The following PAK1 variants were observed in gnomAD, a reference collection of about 807,000 sequenced individuals.
PAK1 encodes serine/threonine-protein kinase PAK 1.
PAK1 carries 29 observed loss-of-function variants against 67.4 expected under a neutral mutation model. The ratio of observed to expected loss-of-function variants is 0.43; its 90% CI spans 0.32 to 0.59. The LOEUF is 0.59. PAK1 is among the 20% of genes least tolerant of loss of function. The pLI is 0.07. For missense variants in PAK1, 337 were observed against 670.7 expected (o/e 0.50, Z 5.50); for synonymous variants, 223 against 237.4 (o/e 0.94, Z 0.56).
chr11:77,373,812 T>C (rs1327251086), intron 5 of PAK1, among the ~76,000 whole-genome samples: 1 of 152,212 alleles, frequency 6.6e-6, no homozygotes, highest in Non-Finnish European at 1.5e-5. Flanking sequence ...TGACTTTAAA[T>C]GAATAAAATC....
chr11:77,353,408 G>T, intron 8 of PAK1, 128 bp downstream of exon 8: 1 of 671,858 alleles, frequency 1.5e-6, no homozygotes. Context: ...AACAACTCCA[G>T]ATGGGTGAGG....
chr11:77,512,357 G>C, the PAK1 span, among the ~76,000 whole-genome samples: 2 of 149,242 alleles, frequency 1.3e-5, no homozygotes, highest in African/African-American at 2.5e-5. Flanking sequence ...TTCTACCCCA[G>C]TATGTGGTCA....
chr11:77,475,864 A>C (rs775958012), upstream of PAK1: 1 of 152,196 alleles, frequency 6.6e-6, no homozygotes, highest in Non-Finnish European at 1.5e-5. Context: ...CTAAGTATCA[A>C]TATGTTGTTA....
chr11:77,419,923 G>T (rs1479245764), intron 1 of PAK1, among the ~76,000 whole-genome samples: 1 of 152,014 alleles, frequency 6.6e-6, no homozygotes, highest in Non-Finnish European at 1.5e-5. Flanking sequence ...AATAATAATA[G>T]TAGCTTACAA....
At position 77,336,145 on chromosome 11, in the gene PAK1, T is replaced by C; in HGVS notation, c.1354A>G (p.Ile452Val). Residue 452 changes from isoleucine to valine, a missense_variant, in exon 13 of 15, where the codon ATC becomes GTC. Physicochemically the swap from Ile to Val is conservative, Grantham distance 29. Coordinates refer to ENST00000356341, the MANE Select transcript of PAK1 (RefSeq NM_002576.5). Reference sequence around the variant, plus strand: ...CCTTCAATCATTTCGATGGCCATGATGCCCAGGGACCAGATGTCAACCTTG... The same window carrying C: ...CCTTCAATCATTTCGATGGCCATGACGCCCAGGGACCAGATGTCAACCTTG... Reference protein sequence around the residue: ...GPKVDIWSLGIMAIEMIEGEP... With the variant: ...GPKVDIWSLGVMAIEMIEGEP... The C allele has an allele frequency of 6.2e-7, 1 of 1,613,698 alleles. No individual in the cohort carries two copies. The highest frequency in any genetic ancestry group is 2.2e-5 in the East Asian group (1 of 44,890).
At chr11:77,473,119 G>A (rs900538437) in intron 1 of PAK1, among the ~76,000 whole-genome samples, 1 of 152,314 alleles carries the variant, frequency 6.6e-6, no homozygotes, top group East Asian at 1.9e-4. Flanking sequence ...GCCTGGAAGG[G>A]GTCATTTATT....
the PAK1 span, among the ~76,000 whole-genome samples, chr11:77,504,285 C>CAA: frequency 6.5e-5 from 9 of 137,632 alleles, no homozygotes; most frequent in Middle Eastern, 3.6e-3. Flanking sequence ...CTTTCTAAAG[C>CAA]AAAAAAAAAA....
At chr11:77,496,019 CTTTT>C in the PAK1 span, among the ~76,000 whole-genome samples, 5 of 126,254 alleles carry the variant, frequency 4.0e-5, no homozygotes, top group African/African-American at 9.7e-5. Context: ...GAACTGTACA[CTTTT>C]TTTTTTTTTT....
At chr11:77,380,584 A>G (rs780018687) in intron 2 of PAK1, among the ~76,000 whole-genome samples, 1 of 152,200 alleles carries the variant, frequency 6.6e-6, no homozygotes, top group Non-Finnish European at 1.5e-5. Flanking sequence ...TAGCCAGTTG[A>G]TATAGAGTAA....
intron 1 of PAK1, among the ~76,000 whole-genome samples, chr11:77,461,449 G>C (rs1228772195): frequency 6.6e-6 from 1 of 152,186 alleles, no homozygotes; most frequent in Non-Finnish European, 1.5e-5. Context: ...GAGCAAAACT[G>C]AAGTTTCTCT....
chr11:77,460,888 A>G (rs1446139035), intron 1 of PAK1, among the ~76,000 whole-genome samples: 1 of 152,146 alleles, frequency 6.6e-6, no homozygotes, highest in Non-Finnish European at 1.5e-5. Context: ...TAAAGGGCAG[A>G]AAAAAAGTGG....
At chr11:77,520,068 C>T in the PAK1 span, among the ~76,000 whole-genome samples, 1 of 151,458 alleles carries the variant, frequency 6.6e-6, no homozygotes, top group Admixed American at 6.6e-5. Flanking sequence ...TCAGGCAAAG[C>T]CCTGCGCAGG....
intron 1 of PAK1, among the ~76,000 whole-genome samples, chr11:77,442,445 T>C (rs2138451887): frequency 6.6e-6 from 1 of 152,318 alleles, no homozygotes; most frequent in South Asian, 2.1e-4. Context: ...CCCTGCCCTA[T>C]GGACAGGCAC....
chr11:77,490,312 C>A, the PAK1 span, among the ~76,000 whole-genome samples: 1 of 149,122 alleles, frequency 6.7e-6, no homozygotes, highest in African/African-American at 2.5e-5. Flanking sequence ...GGCCAGCCGC[C>A]CCGTCCGGGA....
chr11:77,479,559 G>T (rs1351663318), upstream of PAK1, among the ~76,000 whole-genome samples: 3 of 151,040 alleles, frequency 2.0e-5, no homozygotes, highest in Non-Finnish European at 4.4e-5. Context: ...TGGAGCTGGA[G>T]CAGCTATTCA....
the PAK1 span, among the ~76,000 whole-genome samples, chr11:77,504,526 T>C: frequency 6.6e-6 from 1 of 152,232 alleles, no homozygotes; most frequent in South Asian, 2.1e-4. Flanking sequence ...CATTAAAACT[T>C]GACGAGTGGG....
the PAK1 span, among the ~76,000 whole-genome samples, chr11:77,502,795 A>T: frequency 6.6e-6 from 1 of 152,144 alleles, no homozygotes; most frequent in Admixed American, 6.5e-5. Context: ...TGGTGCACAT[A>T]TCTGCTTGTA....
chr11:77,332,693 C>T (rs752182915), intron 14 of PAK1, 37 bp downstream of exon 14: 1 of 1,586,100 alleles, frequency 6.3e-7, no homozygotes, highest in Admixed American at 1.7e-5. Flanking sequence ...TTTAGTGATT[C>T]CCTGAATTAG....
At chr11:77,459,094 ACTGAAACTGT>A (rs1439487269) in intron 1 of PAK1, among the ~76,000 whole-genome samples, 1 of 152,210 alleles carries the variant, frequency 6.6e-6, no homozygotes, top group East Asian at 1.9e-4. Flanking sequence ...ATGGAATGAA[ACTGAAACTGT>A]CTATTTAGAG....
Sources: gnomAD v4.1 joint callset for allele counts (sites outside exome capture counted in the v4.1 genomes callset) on GRCh38, gnomAD v4.1.1 for gene constraint, MANE v1.5 for transcripts, NCBI Gene and HGNC (gene_info 2026-07-23, HGNC 2026-07-21) for gene names.